Variants in VPS13D observed in about 807,000 individuals in gnomAD.
VPS13D encodes the protein vacuolar protein sorting 13 homolog D.
Under a neutral mutation model 461.9 loss-of-function variants are expected in VPS13D, and 187 were observed. That is an observed-to-expected ratio of 0.40 (90% CI 0.36 to 0.46). The LOEUF (loss-of-function observed/expected upper bound fraction) is 0.46, where lower values mean the gene tolerates loss of function less well. Ranked by LOEUF, VPS13D falls within the 20% of genes least tolerant of loss-of-function variation. The pLI is 0.60. For missense variants in VPS13D, 4,711 were observed against 5,364.9 expected, an observed-to-expected ratio of 0.88 and a Z score of 3.81; for synonymous variants, 1,951 against 1,986.3, an observed-to-expected ratio of 0.98 and a Z score of 0.47.
At chr1:12,327,287 G>A (rs1051379223) in intron 35 of VPS13D, among the ~76,000 whole-genome samples, 2 of 152,142 alleles carry the variant, frequency 1.3e-5, no homozygotes, top group Non-Finnish European at 1.5e-5. Context: ...AAGTGGCGCC[G>A]TGTCTGGATC....
At chr1:12,247,772 C>T (rs148140482) in intron 5 of VPS13D, among the ~76,000 whole-genome samples, 7,344 of 149,700 alleles carry the variant, frequency 0.049, 369 homozygotes, top group African/African-American at 0.13. Context: ...GGCGTGATCT[C>T]GGCTCACTGC....
chr1:12,269,002 C>A, intron 16 of VPS13D, 126 bp downstream of exon 16: 1 of 1,076,530 alleles, frequency 9.3e-7, no homozygotes, highest in Non-Finnish European at 1.3e-6. Context: ...CAGAGTAAGT[C>A]AATAGGGTTG....
Position 12,273,065 on chromosome 1 carries a change from T to G in VPS13D, c.2166T>G (p.Asp722Glu). Residue 722 changes from aspartate (D) to glutamate (E), a missense_variant, in exon 18 of 70, where the codon GAT (aspartate) becomes GAG (glutamate). By Grantham distance (45) the Asp-to-Glu change is conservative (BLOSUM62 2). This residue lies in a region of VPS13D where 4,411 missense variants were observed against 4,937.8 expected (regional missense o/e 0.89). Transcript: ENST00000620676. ...DISAPQVIFP[D>E]DFKFKNPVLV... is the part of the protein sequence containing the mutation. ...CTGCCCCTCAGGTGATATTTCCTGA[T>G]GATTTCAAATTCAAGAATCCTGTGT... 6.2e-7 allele frequency: 1 copy of G among 1,614,184 alleles called. No homozygotes were observed. Among genetic ancestry groups the G allele is most frequent in the Non-Finnish European group, 8.5e-7 (1 of 1,180,016 alleles).
intron 45 of VPS13D, 80 bp from the exon 46 acceptor site, chr1:12,349,084 G>A (rs1447525161): frequency 3.1e-6 from 5 of 1,610,332 alleles, no homozygotes; most frequent in Non-Finnish European, 4.2e-6. Context: ...TATATGGTCT[G>A]TCTTCTTTTG....
At chr1:12,397,015 C>T (rs1053390041) in intron 60 of VPS13D, among the ~76,000 whole-genome samples, 2 of 152,190 alleles carry the variant, frequency 1.3e-5, no homozygotes, top group Non-Finnish European at 2.9e-5. Flanking sequence ...CTTACTGCAA[C>T]CTCCGCCTCC....
At chr1:12,394,485 A>T (rs1644469712) in intron 60 of VPS13D, among the ~76,000 whole-genome samples, 1 of 152,104 alleles carries the variant, frequency 6.6e-6, no homozygotes, top group Non-Finnish European at 1.5e-5. Flanking sequence ...CCACCTCGGG[A>T]TCCAGTTATC....
intron 66 of VPS13D, among the ~76,000 whole-genome samples, chr1:12,456,819 G>A (rs1480446003): frequency 6.6e-6 from 1 of 152,060 alleles, no homozygotes; most frequent in Admixed American, 6.6e-5. Flanking sequence ...TCGTTCTCTG[G>A]CTTCTGTTCC....
chr1:12,415,368 A>G (rs1196168033), intron 64 of VPS13D, 147 bp downstream of exon 64: 5 of 1,002,762 alleles, frequency 5.0e-6, no homozygotes, highest in Non-Finnish European at 5.9e-6. Context: ...TCACTTCCCA[A>G]GAAGCCCGTA....
rs1204012067 is a variant in VPS13D, at chr1:12,282,681, T to C, written c.4603-24T>C. The stretch of plus-strand genomic sequence containing the variant: ...ACGTGCATTTAATAATAAGAGTAAC[T>C]GAATTTTTCTCTTTTCAATACAGGT... On this transcript the variant is annotated intron_variant, in intron 20 of 69. Transcript: ENST00000620676. The C allele has an allele frequency of 1.9e-6, 3 of 1,570,820 alleles. No individual in the cohort carries two copies. The African/African-American group carries it at 4.1e-5, about 21-fold the overall frequency.
chr1:12,322,665 G>C lies in VPS13D; in HGVS notation c.7834G>C (p.Val2612Leu). ...PDSVALESDS[V>L]GTYLPGASRV... is the part of the protein sequence containing the mutation. ...CTCAGTGGCCCTGGAGTCAGACTCC[G>C]TTGGCACTTACCTTCCAGGTGCATC... Residue 2612 changes from valine (V) to leucine (L), a missense_variant, in exon 34 of 70, where the codon GTT becomes CTT. Physicochemically the swap from Val to Leu is conservative, Grantham distance 32. Coordinates refer to ENST00000620676, the MANE Select transcript of VPS13D (RefSeq NM_015378.4). The C allele has an allele frequency of 6.2e-7, 1 of 1,614,212 alleles. No individual in the cohort carries two copies. The highest frequency in any genetic ancestry group is 8.5e-7 in the Non-Finnish European group (1 of 1,180,036).
chr1:12,356,808 C>T (rs867928716), intron 49 of VPS13D, among the ~76,000 whole-genome samples: 1 of 152,214 alleles, frequency 6.6e-6, no homozygotes, highest in East Asian at 1.9e-4. Flanking sequence ...GAGAAAGCCA[C>T]GAGTTCTCCT....
At chr1:12,443,391 A>T (rs901953140) in intron 65 of VPS13D, among the ~76,000 whole-genome samples, 45 of 152,316 alleles carry the variant, frequency 3.0e-4, no homozygotes, top group African/African-American at 1.1e-3. Flanking sequence ...AGACATTTGG[A>T]CTGTTCCAGT....
At chr1:12,295,234 A>C (rs566081605) in intron 24 of VPS13D, among the ~76,000 whole-genome samples, 386 of 151,772 alleles carry the variant, frequency 2.5e-3, no homozygotes, top group African/African-American at 4.4e-3. Flanking sequence ...AAAAAAAAAA[A>C]AAAAAACAAA....
intron 63 of VPS13D, among the ~76,000 whole-genome samples, chr1:12,413,822 G>A (rs1259218812): frequency 6.6e-6 from 1 of 151,824 alleles, no homozygotes; most frequent in East Asian, 1.9e-4. Context: ...TGTTGATGAG[G>A]GTGTAGAATA....
chr1:12,394,124 A>G lies in VPS13D; in HGVS notation c.11635-6057A>G, dbSNP rs142069891. Among the ~76,000 whole-genome samples, 677 of 152,242 alleles carry G rather than the reference A, an allele frequency of 4.4e-3. 3 individuals carry two copies. Among genetic ancestry groups the G allele is most frequent in the African/African-American group, 0.015 (633 of 41,542 alleles). On this transcript the variant is annotated intron_variant, in intron 60 of 69. Transcript: ENST00000620676. ...AGATTCACTGCGTAAATTGTCGGCA[A>G]TGTAGTGGGGTCCTTCCTCAAGGGG... is the stretch of plus-strand genomic sequence containing the variant.
intron 65 of VPS13D, among the ~76,000 whole-genome samples, chr1:12,431,432 A>T (rs1644990593): frequency 6.7e-6 from 1 of 149,912 alleles, no homozygotes; most frequent in Non-Finnish European, 1.5e-5. Flanking sequence ...CTAGCCCTCA[A>T]ACCCAGGCTT....
intron 63 of VPS13D, among the ~76,000 whole-genome samples, chr1:12,405,336 A>G (rs1644638079): frequency 6.6e-6 from 1 of 152,076 alleles, no homozygotes; most frequent in African/African-American, 2.4e-5. Flanking sequence ...TGGTTTTTTT[A>G]AACCTTGTGG....
chr1:12,315,822 C>CT lies in VPS13D; in HGVS notation c.7148+1507dup, dbSNP rs200458982. ...GTTTGTTCCATCTGGAGAAACATTT[C>CT]TTTTTTTTTTTTGAGACGTAGTCTC... On this transcript the variant is annotated intron_variant, in intron 30 of 69. Coordinates refer to ENST00000620676, the MANE Select transcript of VPS13D (RefSeq NM_015378.4). Among the ~76,000 whole-genome samples the CT allele has an allele frequency of 2.6e-3, 378 of 145,882 alleles. 1 individual carries two copies. The highest frequency in any genetic ancestry group is 6.2e-3 in the African/African-American group (247 of 40,080).
intron 67 of VPS13D, among the ~76,000 whole-genome samples, chr1:12,482,743 T>C (rs539929019): frequency 1.2e-4 from 18 of 145,162 alleles, no homozygotes; most frequent in Non-Finnish European, 2.7e-4. Flanking sequence ...TATACACTAG[T>C]ATACATATAT....
Sources: gnomAD v4.1 joint callset for allele counts (sites outside exome capture counted in the v4.1 genomes callset) on GRCh38, gnomAD v4.1.1 for gene constraint, gnomAD v4.1.1 regional missense constraint, MANE v1.5 for transcripts, NCBI Gene and HGNC (gene_info 2026-07-23, HGNC 2026-07-21) for gene names.